The following ACVR1B variants were observed in gnomAD, a reference collection of about 807,000 sequenced individuals.
ACVR1B encodes activin receptor type-1B.
Under a neutral mutation model 55.6 loss-of-function variants are expected in ACVR1B, and 15 were observed. That is an observed-to-expected ratio of 0.27 (90% CI 0.18 to 0.42). The LOEUF is 0.42. ACVR1B is among the 10% of genes least tolerant of loss of function. The pLI, the probability that ACVR1B is intolerant of heterozygous loss-of-function variation, is 1.00. For missense variants in ACVR1B, 359 were observed against 670.1 expected (o/e 0.54, Z 5.13); for synonymous variants, 247 against 254.6 (o/e 0.97, Z 0.28).
At chr12:51,982,663 GTTT>G in intron 4 of ACVR1B, 1 of 1,507,020 alleles carries the variant, frequency 6.6e-7, no homozygotes. Flanking sequence ...GATGCTATTT[GTTT>G]TTCATTCCTG....
chr12:51,976,626 C>T (rs1356173677), intron 3 of ACVR1B, 51 bp downstream of exon 3: 1 of 1,603,582 alleles, frequency 6.2e-7, no homozygotes, highest in South Asian at 1.1e-5. Context: ...CATCAGTTTC[C>T]CAGCAGGATA....
chr12:51,959,152 G>T (rs953168976), intron 1 of ACVR1B, among the ~76,000 whole-genome samples: 4 of 152,192 alleles, frequency 2.6e-5, no homozygotes, highest in African/African-American at 9.7e-5. Context: ...ACCTGCTTCA[G>T]GTATTCAGTC....
intron 1 of ACVR1B, among the ~76,000 whole-genome samples, chr12:51,957,219 A>T (rs1941429193): frequency 6.6e-6 from 1 of 151,972 alleles, no homozygotes; most frequent in South Asian, 2.1e-4. Context: ...AGGCCGAGGC[A>T]GGTGGATCAT....
rs779113347 is a variant in ACVR1B at position 51,975,497 on chromosome 12, G to T, written c.324G>T (p.Val108=). The change falls in exon 2 of 9, where the codon GTG becomes GTT. Residue 108 remains valine (V), a synonymous_variant. Transcript: ENST00000257963. ...ACTGCAACAGGATCGACTTGAGGGT[G>T]CCCAGTGGTGAGTGCATGCCCTTGT... ...TDYCNRIDLR[V]PSGHLKEPEH... is the part of the protein sequence containing the mutation. 10 of 1,613,742 alleles carry T rather than the reference G, an allele frequency of 6.2e-6. No homozygotes were observed. The highest frequency in any genetic ancestry group is 7.6e-6 in the Non-Finnish European group (9 of 1,179,616).
chr12:51,963,402 GC>G (rs1471522557), intron 1 of ACVR1B, among the ~76,000 whole-genome samples: 2 of 152,166 alleles, frequency 1.3e-5, no homozygotes, highest in African/African-American at 4.8e-5. Context: ...GCGCCACCGC[GC>G]CCAGTTAATG....
intron 7 of ACVR1B, among the ~76,000 whole-genome samples, chr12:51,990,414 CAG>C (rs1242782083): frequency 6.8e-6 from 1 of 147,258 alleles, no homozygotes; most frequent in Non-Finnish European, 1.5e-5. Context: ...TCTCCAGGCT[CAG>C]GGGAACCTTT....
At chr12:51,984,897 GAGT>G (rs904097200) in intron 5 of ACVR1B, among the ~76,000 whole-genome samples, 1 of 152,228 alleles carries the variant, frequency 6.6e-6, no homozygotes, top group Non-Finnish European at 1.5e-5. Context: ...CAGGGAAGGC[GAGT>G]AGTAGTAGTA....
chr12:51,984,306 A>C lies in ACVR1B; in HGVS notation c.979+140A>C, dbSNP rs1455197011. The C allele has an allele frequency of 3.9e-6, 4 of 1,027,496 alleles. No individual in the cohort carries two copies. In the African/African-American group the frequency reaches 4.9e-5, roughly 12 times the overall value. The allele number at this position is 1,027,496 out of a possible 1,614,324, so 63.6% of individuals were successfully genotyped here. A position where few individuals can be genotyped will look rare whatever the true frequency, so the allele number is the denominator to read the frequency against. On this transcript the variant is annotated intron_variant, in intron 5 of 8. Coordinates refer to ENST00000257963, the MANE Select transcript of ACVR1B (RefSeq NM_004302.5). ...ACTCTAGTTTAATTTAAAGGAAAGG[A>C]GGTTTGAGCTTCACTTAAGTGAGGT...
chr12:51,954,224 A>G (rs1040966255), intron 1 of ACVR1B, among the ~76,000 whole-genome samples: 2 of 152,222 alleles, frequency 1.3e-5, no homozygotes, highest in African/African-American at 4.8e-5. Flanking sequence ...AGGTGTTTCT[A>G]TTAATTAATG....
intron 8 of ACVR1B, among the ~76,000 whole-genome samples, 193 bp from the exon 9 acceptor site, chr12:51,993,765 TAAAAAAAAAAAAAAAAAAAAAAAAAAA>T (rs869161100): frequency 2.1e-3 from 63 of 29,770 alleles, no homozygotes; most frequent in Admixed American, 5.1e-3. Flanking sequence ...AGACTCCTTC[TAAAAAAAAAAAAAAAAAAAAAAAAAAA>T]AAAAAAAAAA....
At chr12:51,979,655 G>T (rs756843697) in intron 3 of ACVR1B, among the ~76,000 whole-genome samples, 1 of 152,160 alleles carries the variant, frequency 6.6e-6, no homozygotes, top group Non-Finnish European at 1.5e-5. Flanking sequence ...GGGAAGCAGG[G>T]GGACGTCAGG....
chr12:51,958,770 C>G (rs971929938), intron 1 of ACVR1B, among the ~76,000 whole-genome samples: 2 of 152,228 alleles, frequency 1.3e-5, no homozygotes, highest in African/African-American at 4.8e-5. Flanking sequence ...CTATGAGAAT[C>G]TAATGCCGCC....
At chr12:51,962,298 A>G (rs1368374798) in intron 1 of ACVR1B, among the ~76,000 whole-genome samples, 1 of 152,122 alleles carries the variant, frequency 6.6e-6, no homozygotes, top group Non-Finnish European at 1.5e-5. Flanking sequence ...CCCACCATAC[A>G]AATAGCTTCC....
At chr12:51,981,295 T>A in intron 4 of ACVR1B, 96 bp downstream of exon 4, 2 of 1,080,236 alleles carry the variant, frequency 1.9e-6, no homozygotes, top group Non-Finnish European at 2.7e-6. Flanking sequence ...TTCATCATTG[T>A]AACCCGTAGA....
At chr12:51,960,482 A>G (rs889542846) in intron 1 of ACVR1B, among the ~76,000 whole-genome samples, 2 of 152,146 alleles carry the variant, frequency 1.3e-5, no homozygotes, top group Non-Finnish European at 2.9e-5. Context: ...ACCACAAACT[A>G]TGAGGAGTTC....
intron 1 of ACVR1B, among the ~76,000 whole-genome samples, chr12:51,966,145 G>A (rs955811920): frequency 2.6e-5 from 4 of 152,148 alleles, no homozygotes; most frequent in African/African-American, 9.7e-5. Flanking sequence ...AGGGATGGTA[G>A]GGATGGTATT....
chr12:51,985,365 C>G lies in ACVR1B; in HGVS notation c.1136+17C>G. On this transcript the variant is annotated intron_variant, in intron 6 of 8. Coordinates refer to ENST00000257963, the MANE Select transcript of ACVR1B (RefSeq NM_004302.5). ...GACCAAACGGTAGGAGGGCCTGGGA[C>G]TCTGCCCTTGCTAAGCAGCTTCTAC... The G allele has an allele frequency of 6.3e-7, 1 of 1,598,970 alleles. No homozygotes were observed. Among genetic ancestry groups the G allele is most frequent in the Non-Finnish European group, 8.5e-7 (1 of 1,173,450 alleles).
At chr12:51,959,412 T>A (rs991955585) in intron 1 of ACVR1B, among the ~76,000 whole-genome samples, 1 of 151,566 alleles carries the variant, frequency 6.6e-6, no homozygotes, top group African/African-American at 2.4e-5. Context: ...GAGCTGAGAG[T>A]GGTTCCCAGC....
chr12:51,984,677 A>C (rs999861065), intron 5 of ACVR1B, among the ~76,000 whole-genome samples: 16 of 152,204 alleles, frequency 1.1e-4, no homozygotes, highest in Admixed American at 3.3e-4. Context: ...GCTCTTTGGG[A>C]GATCCTGGAT....
Sources: allele counts gnomAD v4.1 joint callset (sites outside exome capture counted in the v4.1 genomes callset), GRCh38; gene constraint gnomAD v4.1.1; transcripts MANE v1.5; gene names NCBI Gene and HGNC (gene_info 2026-07-23, HGNC 2026-07-21).